Variants in SAXO5 observed in about 807,000 individuals in gnomAD.
The protein encoded by SAXO5 is testis expressed 45.
chr19:7,498,106 A>AT, the SAXO5 span, among the ~76,000 whole-genome samples: 1 of 151,330 alleles, frequency 6.6e-6, no homozygotes, highest in Non-Finnish European at 1.5e-5. Context: ...AGCTGAGAAA[A>AT]AAAAAAAAGC....
At chr19:7,505,888 G>A in the SAXO5 span, 1 of 1,405,598 alleles carries the variant, frequency 7.1e-7, no homozygotes, top group Non-Finnish European at 9.7e-7. Context: ...GTCACACAGA[G>A]CCCACCTCCT....
the SAXO5 span, chr19:7,508,298 A>G: frequency 1.2e-6 from 2 of 1,614,062 alleles, no homozygotes; most frequent in East Asian, 2.2e-5. Context: ...ACCAGGGCCC[A>G]GCAGCCCTGA....
the SAXO5 span, chr19:7,506,792 T>G: frequency 2.7e-6 from 1 of 372,236 alleles, no homozygotes; most frequent in Non-Finnish European, 5.0e-6. Context: ...CCCTGGCTCC[T>G]TCCTCCTCCC....
At chr19:7,503,490 T>C in the SAXO5 span, among the ~76,000 whole-genome samples, 11 of 152,208 alleles carry the variant, frequency 7.2e-5, no homozygotes, top group East Asian at 1.7e-3. Context: ...TTTTATTGTG[T>C]GTGTGTGTTT....
At chr19:7,506,819 C>A in the SAXO5 span, 2 of 450,474 alleles carry the variant, frequency 4.4e-6, no homozygotes, top group East Asian at 4.3e-5. Context: ...CCTCCCTCTT[C>A]CCCAGCGCCT....
chr19:7,498,401 T>C, the SAXO5 span, among the ~76,000 whole-genome samples: 18 of 146,636 alleles, frequency 1.2e-4, no homozygotes, highest in Admixed American at 8.1e-4. Context: ...TTCTTTTTTT[T>C]TTTTTTTTTT....
chr19:7,506,311 C>G, the SAXO5 span: 1 of 723,792 alleles, frequency 1.4e-6, no homozygotes, highest in South Asian at 1.5e-5. Context: ...GAAGCCTCGC[C>G]CTTGCCACTG....
the SAXO5 span, chr19:7,506,241 GGAGCCCCT>G: frequency 1.9e-6 from 1 of 530,980 alleles, no homozygotes; most frequent in South Asian, 3.6e-5. Context: ...CCGCCCCCAT[GGAGCCCCT>G]CCCCATGGAG....
At chr19:7,502,299 G>A in the SAXO5 span, among the ~76,000 whole-genome samples, 1 of 152,084 alleles carries the variant, frequency 6.6e-6, no homozygotes, top group Non-Finnish European at 1.5e-5. Flanking sequence ...TTGTAGAGAT[G>A]CAGTCTTACT....
At chr19:7,506,282 C>T in the SAXO5 span, 1 of 904,230 alleles carries the variant, frequency 1.1e-6, no homozygotes, top group African/African-American at 1.7e-5. Flanking sequence ...GGAGCCCCGT[C>T]CCGGGAAGCC....
the SAXO5 span, chr19:7,507,211 G>A: frequency 1.5e-6 from 2 of 1,327,094 alleles, no homozygotes; most frequent in Non-Finnish European, 2.2e-6. Context: ...ATCTCAGGAC[G>A]ACTATGCTGT....
At chr19:7,498,641 C>T in the SAXO5 span, among the ~76,000 whole-genome samples, 2 of 152,082 alleles carry the variant, frequency 1.3e-5, no homozygotes, top group Admixed American at 1.3e-4. Flanking sequence ...GAGATCTGCC[C>T]ACCTCGGCCT....
At chr19:7,507,196 G>C in the SAXO5 span, 1 of 1,469,072 alleles carries the variant, frequency 6.8e-7, no homozygotes, top group East Asian at 2.3e-5. Context: ...CATTGGTGTA[G>C]AGTTATCTCA....
At chr19:7,501,222 T>A in the SAXO5 span, 5 of 1,548,442 alleles carry the variant, frequency 3.2e-6, no homozygotes, top group South Asian at 1.2e-5. Flanking sequence ...CGCCTACGGC[T>A]GGCCCGAGCT....
chr19:7,504,002 G>C, the SAXO5 span: 3 of 695,098 alleles, frequency 4.3e-6, no homozygotes, highest in African/African-American at 3.6e-5. Context: ...AGTCTACACT[G>C]TTCAGAATGG....
At chr19:7,497,980 G>A in the SAXO5 span, among the ~76,000 whole-genome samples, 3 of 151,804 alleles carry the variant, frequency 2.0e-5, no homozygotes, top group African/African-American at 7.3e-5. Context: ...GCGAAACCCC[G>A]TCTCTACTAA....
At chr19:7,505,386 T>C in the SAXO5 span, 1 of 1,614,198 alleles carries the variant, frequency 6.2e-7, no homozygotes, top group Middle Eastern at 1.6e-4. Context: ...GGTGACGGCC[T>C]CTTCCGCGAC....
chr19:7,507,017 C>G, the SAXO5 span: 6 of 1,560,184 alleles, frequency 3.8e-6, no homozygotes, highest in East Asian at 2.2e-5. Flanking sequence ...CCGCCTCGGC[C>G]CACAGCCCTC....
At chr19:7,501,947 G>A in the SAXO5 span, among the ~76,000 whole-genome samples, 1 of 151,084 alleles carries the variant, frequency 6.6e-6, no homozygotes, top group African/African-American at 2.4e-5. Context: ...GGAAGACTTG[G>A]GGGGTGGCGA....
Sources: gnomAD v4.1 joint callset for allele counts (sites outside exome capture counted in the v4.1 genomes callset) on GRCh38, gnomAD v4.1.1 for gene constraint, MANE v1.5 for transcripts, NCBI Gene and HGNC (gene_info 2026-07-23, HGNC 2026-07-21) for gene names.